The following PDE1C variants were observed in gnomAD, a reference collection of about 807,000 sequenced individuals.
PDE1C encodes dual specificity calcium/calmodulin-dependent 3',5'-cyclic nucleotide phosphodiesterase 1C.
In PDE1C, 62 loss-of-function variants were observed where a neutral mutation model predicts 93.1. The ratio of observed to expected loss-of-function variants is 0.67; its 90% confidence interval spans 0.54 to 0.82. PDE1C has a LOEUF of 0.82. PDE1C is among the 40% of genes least tolerant of loss of function. PDE1C has a pLI of 0.00. For synonymous variants in PDE1C, 325 were observed against 310.1 expected (o/e 1.05, Z -0.50); for missense variants, 742 against 884.6 (o/e 0.84, Z 2.04).
chr7:32,128,411 A>C (rs909622572), intron 3 of PDE1C, among the ~76,000 whole-genome samples: 5 of 151,942 alleles, frequency 3.3e-5, no homozygotes, highest in African/African-American at 1.2e-4. Flanking sequence ...AAAAACATAC[A>C]ATGGGGAGAT....
intron 1 of PDE1C, among the ~76,000 whole-genome samples, chr7:32,234,339 G>T (rs1218977703): frequency 6.6e-6 from 1 of 151,858 alleles, no homozygotes; most frequent in African/African-American, 2.4e-5. Context: ...AAAAAGATCA[G>T]TAAAATTGAT....
chr7:32,076,409 C>T (rs898146631), upstream of PDE1C, among the ~76,000 whole-genome samples: 5 of 151,756 alleles, frequency 3.3e-5, no homozygotes, highest in Admixed American at 1.3e-4. Flanking sequence ...GAGAGGCCGA[C>T]GTGGCCGGAT....
the PDE1C span, among the ~76,000 whole-genome samples, chr7:31,648,606 C>A: frequency 6.6e-6 from 1 of 152,088 alleles, no homozygotes; most frequent in Non-Finnish European, 1.5e-5. Context: ...AAAAGGCTAC[C>A]CCAAAATAAC....
intron 16 of PDE1C, among the ~76,000 whole-genome samples, chr7:31,797,749 A>C (rs1400764834): frequency 6.6e-6 from 1 of 151,700 alleles, no homozygotes; most frequent in Non-Finnish European, 1.5e-5. Context: ...ATGAGGAAAA[A>C]AAATCGAGAA....
intron 13 of PDE1C, 35 bp from the exon 14 acceptor site, chr7:31,823,283 T>G (rs1221586690): frequency 6.4e-7 from 1 of 1,570,780 alleles, no homozygotes; most frequent in Non-Finnish European, 8.6e-7. Context: ...AAGAAGAGAG[T>G]TAGTGTTTGG....
upstream of PDE1C, chr7:32,071,422 T>C: frequency 9.1e-6 from 9 of 985,458 alleles, no homozygotes; most frequent in Non-Finnish European, 1.1e-5. Flanking sequence ...CAAAAACTCT[T>C]GATGTTTTCT....
At chr7:31,906,958 C>T (rs1482098053) in intron 2 of PDE1C, among the ~76,000 whole-genome samples, 3 of 152,014 alleles carry the variant, frequency 2.0e-5, no homozygotes, top group Non-Finnish European at 2.9e-5. Flanking sequence ...ATACTTTGTG[C>T]CAGGTACTCT....
chr7:32,312,948 T>A (rs75320928), intron 1 of PDE1C, among the ~76,000 whole-genome samples: 18,049 of 151,958 alleles, frequency 0.12, 1,168 homozygotes, highest in East Asian at 0.18. Flanking sequence ...AAAAGAAACT[T>A]CTATCAGGTG....
intron 1 of PDE1C, among the ~76,000 whole-genome samples, chr7:32,267,980 G>A (rs552542136): frequency 2.0e-5 from 3 of 152,146 alleles, no homozygotes; most frequent in Non-Finnish European, 4.4e-5. Flanking sequence ...AGTGACACTC[G>A]TGATCTTTGG....
intron 2 of PDE1C, among the ~76,000 whole-genome samples, chr7:31,935,233 A>G (rs1343321685): frequency 6.6e-6 from 1 of 152,174 alleles, no homozygotes; most frequent in Non-Finnish European, 1.5e-5. Context: ...ACTTTCTCAT[A>G]TTGACACAAC....
intron 1 of PDE1C, among the ~76,000 whole-genome samples, chr7:32,408,412 G>T (rs1182045375): frequency 6.6e-6 from 1 of 152,202 alleles, no homozygotes; most frequent in Non-Finnish European, 1.5e-5. Flanking sequence ...ATGCCTGGGA[G>T]GAATGTGCAC....
intron 16 of PDE1C, chr7:31,787,290 A>G (rs540881634): frequency 1.3e-5 from 2 of 152,154 alleles, no homozygotes; most frequent in Non-Finnish European, 2.9e-5. Flanking sequence ...GATCCTGTCA[A>G]ATGTTTTCGG....
intron 2 of PDE1C, among the ~76,000 whole-genome samples, chr7:31,899,634 G>C (rs1387644742): frequency 6.6e-6 from 1 of 152,046 alleles, no homozygotes; most frequent in Non-Finnish European, 1.5e-5. Flanking sequence ...TAAGAGACAG[G>C]GTGGAAAAAA....
the PDE1C span, among the ~76,000 whole-genome samples, chr7:31,617,956 G>A: frequency 6.6e-6 from 1 of 152,298 alleles, no homozygotes; most frequent in East Asian, 1.9e-4. Context: ...GGTAGGAAAT[G>A]CATTTTAGAA....
At chr7:32,194,986 A>C (rs1346016947) in intron 2 of PDE1C, among the ~76,000 whole-genome samples, 1 of 152,188 alleles carries the variant, frequency 6.6e-6, no homozygotes, top group Non-Finnish European at 1.5e-5. Context: ...AACTTACCAA[A>C]GTCTTCTGAT....
intron 3 of PDE1C, among the ~76,000 whole-genome samples, chr7:32,089,654 T>C (rs1797349778): frequency 6.6e-6 from 1 of 152,202 alleles, no homozygotes; most frequent in Non-Finnish European, 1.5e-5. Flanking sequence ...TGCACGGCCA[T>C]GCTATAATGG....
At chr7:32,126,227 A>AGATAGATG (rs1416324312) in intron 3 of PDE1C, among the ~76,000 whole-genome samples, 5 of 151,676 alleles carry the variant, frequency 3.3e-5, no homozygotes, top group African/African-American at 1.2e-4. Context: ...ATAGATAGAT[A>AGATAGATG]GATAGATAGA....
chr7:32,253,292 A>T (rs1562621621), intron 1 of PDE1C, among the ~76,000 whole-genome samples: 1 of 152,214 alleles, frequency 6.6e-6, no homozygotes, highest in Non-Finnish European at 1.5e-5. Flanking sequence ...CGCAGTCCTT[A>T]TTAAACACCA....
the PDE1C span, among the ~76,000 whole-genome samples, chr7:31,638,396 G>A: frequency 6.6e-6 from 1 of 152,148 alleles, no homozygotes; most frequent in Non-Finnish European, 1.5e-5. Flanking sequence ...TCGCACATCA[G>A]AGTTAAAGGA....
Sources: gnomAD v4.1 joint callset for allele counts (sites outside exome capture counted in the v4.1 genomes callset) on GRCh38, gnomAD v4.1.1 for gene constraint, MANE v1.5 for transcripts, NCBI Gene and HGNC (gene_info 2026-07-23, HGNC 2026-07-21) for gene names.